Variants in CTNNA3 observed in about 807,000 individuals in gnomAD.
CTNNA3 encodes catenin alpha 3.
In CTNNA3, 76 loss-of-function variants were observed where a neutral mutation model predicts 95.7. The observed-to-expected ratio is 0.79, with a 90% confidence interval of 0.66 to 0.96. The LOEUF (loss-of-function observed/expected upper bound fraction) is 0.96, where lower values mean the gene tolerates loss of function less well. Ranked by LOEUF, CTNNA3 falls within the 40% of genes least tolerant of loss-of-function variation. CTNNA3 has a pLI of 0.00. For missense variants in CTNNA3, 1,191 were observed against 1,089.8 expected, an observed-to-expected ratio of 1.09 and a Z score of -1.31; for synonymous variants, 431 against 374.4, an observed-to-expected ratio of 1.15 and a Z score of -1.74.
chr10:66,231,516 CT>C (rs1254383831), intron 13 of CTNNA3, among the ~76,000 whole-genome samples: 2 of 152,042 alleles, frequency 1.3e-5, no homozygotes, highest in Non-Finnish European at 2.9e-5. Context: ...AGATTGTAAC[CT>C]GATCCAAGTG....
At chr10:66,364,505 A>C (rs560913777) in intron 12 of CTNNA3, among the ~76,000 whole-genome samples, 4 of 152,206 alleles carry the variant, frequency 2.6e-5, no homozygotes, top group South Asian at 4.1e-4. Context: ...TATATTTTGG[A>C]CATTTTTTCT....
At chr10:66,196,901 G>T (rs1442927100) in intron 13 of CTNNA3, among the ~76,000 whole-genome samples, 1 of 152,158 alleles carries the variant, frequency 6.6e-6, no homozygotes, top group Non-Finnish European at 1.5e-5. Context: ...GTGAATGGGG[G>T]CCCAGTAGAC....
At chr10:66,062,707 T>C (rs2080227622) in intron 15 of CTNNA3, among the ~76,000 whole-genome samples, 1 of 152,158 alleles carries the variant, frequency 6.6e-6, no homozygotes, top group African/African-American at 2.4e-5. Flanking sequence ...AGTCTAAAAT[T>C]CAATTTTACT....
At chr10:67,525,029 G>A (rs1489181030) in intron 4 of CTNNA3, among the ~76,000 whole-genome samples, 1 of 152,066 alleles carries the variant, frequency 6.6e-6, no homozygotes, top group Non-Finnish European at 1.5e-5. Flanking sequence ...GACAAGTTGG[G>A]GAAAGGAAGC....
At chr10:66,317,273 T>A (rs2092114960) in intron 12 of CTNNA3, among the ~76,000 whole-genome samples, 1 of 152,104 alleles carries the variant, frequency 6.6e-6, no homozygotes, top group South Asian at 2.1e-4. Context: ...TTGAATAATT[T>A]TTTTTCCACA....
At chr10:66,899,783 C>T (rs927417512) in intron 7 of CTNNA3, among the ~76,000 whole-genome samples, 4 of 152,042 alleles carry the variant, frequency 2.6e-5, no homozygotes, top group Admixed American at 2.0e-4. Flanking sequence ...TGCCAGGCTG[C>T]AGCCTGGCAG....
intron 1 of CTNNA3, among the ~76,000 whole-genome samples, chr10:67,728,041 T>G (rs1433815814): frequency 7.1e-6 from 1 of 141,082 alleles, no homozygotes; most frequent in Non-Finnish European, 1.5e-5. Flanking sequence ...GATATATAAT[T>G]ATAATTATAT....
At chr10:66,742,506 C>G (rs1323207879) in intron 9 of CTNNA3, among the ~76,000 whole-genome samples, 1 of 152,078 alleles carries the variant, frequency 6.6e-6, no homozygotes, top group Non-Finnish European at 1.5e-5. Context: ...GTGACCCATA[C>G]CCTATTCATA....
chr10:66,406,764 T>C (rs1311946420), intron 11 of CTNNA3, among the ~76,000 whole-genome samples: 1 of 152,140 alleles, frequency 6.6e-6, no homozygotes, highest in Non-Finnish European at 1.5e-5. Context: ...TCAAGAGCTC[T>C]TGCTCTAAAC....
intron 11 of CTNNA3, among the ~76,000 whole-genome samples, chr10:66,427,828 G>C (rs1297031541): frequency 6.6e-6 from 1 of 152,102 alleles, no homozygotes; most frequent in African/African-American, 2.4e-5. Context: ...TCAATTCTAG[G>C]AAGAAACTGC....
At chr10:66,847,027 A>G (rs2132368110) in intron 7 of CTNNA3, among the ~76,000 whole-genome samples, 1 of 152,322 alleles carries the variant, frequency 6.6e-6, no homozygotes, top group South Asian at 2.1e-4. Context: ...CTAGTGGTCC[A>G]TCTTGCATGA....
chr10:67,606,601 T>C (rs1221864916), intron 3 of CTNNA3, among the ~76,000 whole-genome samples: 5 of 152,010 alleles, frequency 3.3e-5, no homozygotes, highest in African/African-American at 1.2e-4. Context: ...TTGTTTATTA[T>C]GGAAAAGCTA....
intron 6 of CTNNA3, among the ~76,000 whole-genome samples, chr10:67,215,085 C>CA (rs1864297874): frequency 6.6e-6 from 1 of 151,834 alleles, no homozygotes; most frequent in Non-Finnish European, 1.5e-5. Context: ...AACTGCTTTT[C>CA]AAAAAATACT....
chr10:67,594,833 G>C (rs972749780), intron 3 of CTNNA3, among the ~76,000 whole-genome samples: 1 of 151,974 alleles, frequency 6.6e-6, no homozygotes, highest in Non-Finnish European at 1.5e-5. Flanking sequence ...CCCATCACTC[G>C]AGCAGTATAC....
chr10:66,537,128 C>T (rs1452004062), intron 10 of CTNNA3, among the ~76,000 whole-genome samples: 1 of 151,678 alleles, frequency 6.6e-6, no homozygotes, highest in Non-Finnish European at 1.5e-5. Context: ...TTTTTCTGTC[C>T]TCTTTCCAAA....
intron 15 of CTNNA3, among the ~76,000 whole-genome samples, chr10:66,054,206 C>G (rs2080025092): frequency 6.6e-6 from 1 of 152,034 alleles, no homozygotes; most frequent in African/African-American, 2.4e-5. Flanking sequence ...CAAATATCTC[C>G]TTGATATGCT....
At chr10:66,536,577 C>T (rs1163289068) in intron 10 of CTNNA3, among the ~76,000 whole-genome samples, 1 of 150,154 alleles carries the variant, frequency 6.7e-6, no homozygotes, top group African/African-American at 2.5e-5. Context: ...ATAATCTCAA[C>T]AAGAAGATCA....
chr10:67,395,205 A>T (rs1284615574), intron 5 of CTNNA3, among the ~76,000 whole-genome samples: 3 of 152,330 alleles, frequency 2.0e-5, no homozygotes, highest in African/African-American at 7.2e-5. Context: ...ATTCTTAACC[A>T]TAGGCTAATG....
At chr10:66,473,302 T>C (rs946176256) in intron 11 of CTNNA3, among the ~76,000 whole-genome samples, 6 of 151,870 alleles carry the variant, frequency 4.0e-5, no homozygotes, top group African/African-American at 1.4e-4. Flanking sequence ...GTTCTTGTGA[T>C]AGTGAGTGAG....
Sources: gnomAD v4.1 joint callset for allele counts (sites outside exome capture counted in the v4.1 genomes callset) on GRCh38, gnomAD v4.1.1 for gene constraint, MANE v1.5 for transcripts, NCBI Gene and HGNC (gene_info 2026-07-23, HGNC 2026-07-21) for gene names.